Variants in TRPV3 observed in about 807,000 individuals in gnomAD.
TRPV3 encodes the protein transient receptor potential cation channel subfamily V member 3.
A neutral mutation model predicts 87.1 loss-of-function variants in TRPV3; 88 were observed. The ratio of observed to expected loss-of-function variants is 1.01; its 90% CI spans 0.85 to 1.21. The LOEUF (loss-of-function observed/expected upper bound fraction) is 1.21, where lower values mean the gene tolerates loss of function less well. Among genes scored for constraint, TRPV3 ranks in the 50% most tolerant of loss-of-function variants. The probability of loss-of-function intolerance (pLI) is 0.00; values close to 1 mark genes in which losing one functional copy is unlikely to be tolerated. For missense variants in TRPV3, 1,054 were observed against 1,030.1 expected (o/e 1.02, Z -0.32); for synonymous variants, 438 against 423.3 (o/e 1.03, Z -0.43).
At chr17:3,537,075 C>T (rs2074414894) in intron 6 of TRPV3, among the ~76,000 whole-genome samples, 1 of 152,166 alleles carries the variant, frequency 6.6e-6, no homozygotes, top group East Asian at 1.9e-4. Context: ...AAAAGGCTGA[C>T]ATATTTGCTT....
chr17:3,531,078 ACAAAC>A (rs1228219324), intron 8 of TRPV3, among the ~76,000 whole-genome samples: 1 of 142,568 alleles, frequency 7.0e-6, no homozygotes, highest in Non-Finnish European at 1.5e-5. Context: ...AACAAAACAA[ACAAAC>A]AAAAAAACCA....
chr17:3,515,341 G>C (rs1444030154), intron 16 of TRPV3, among the ~76,000 whole-genome samples: 1 of 152,096 alleles, frequency 6.6e-6, no homozygotes, highest in East Asian at 1.9e-4. Context: ...TTGGGTCAGG[G>C]TAGGAGGAGG....
chr17:3,537,892 T>TA lies in TRPV3; in HGVS notation c.644-2180dup, dbSNP rs1161250971. Among the ~76,000 whole-genome samples the TA allele has an allele frequency of 5.8e-3, 591 of 101,470 alleles. 4 individuals carry two copies. The highest frequency in any genetic ancestry group is 0.033 in the African/African-American group (567 of 17,444). 66.6% of individuals were successfully genotyped at this position (101,470 alleles called of 152,430 possible). A position where few individuals can be genotyped will look rare whatever the true frequency, so the allele number is the denominator to read the frequency against. On this transcript the variant is annotated intron_variant, in intron 6 of 17. Coordinates refer to ENST00000576742, the MANE Select transcript of TRPV3 (RefSeq NM_145068.4). ...GCTAGAGAGCAAGACTCTGTCTTTT[T>TA]AAAAAAAAAAAAAAAAAAAAGGCAT...
Position 3,518,501 on chromosome 17 carries a change from T to TCA in TRPV3, c.2085+74_2085+75insTG. ...GGCCCCACCTCAGACCCACTGGTGC[T>TCA]GACAGTAGTCAATGACCACGTGCTG... On this transcript the variant is annotated intron_variant, in intron 15 of 17. Coordinates refer to ENST00000576742, the MANE Select transcript of TRPV3 (RefSeq NM_145068.4). The surrounding 1 kb of genome is among the most constrained non-coding windows in gnomAD (Gnocchi z 4.3). 6.8e-7 allele frequency: 1 copy of TCA among 1,474,642 alleles called. No homozygotes were observed. Among genetic ancestry groups the TCA allele is most frequent in the Non-Finnish European group, 9.0e-7 (1 of 1,105,172 alleles). The allele number at this position is 1,474,642 out of a possible 1,614,324, so 91.3% of individuals were successfully genotyped here.
chr17:3,543,491 T>C lies in TRPV3; in HGVS notation c.449A>G (p.His150Arg), dbSNP rs2150801480. ...VELQELCRRR[H>R]DEDVPDFLMH... ...ACACTCACCAGGCACATCCTCATCATGGCGCCGCCTGCAAAGCTCCTGCAG... is the reference window on the plus strand; with the variant it reads ...ACACTCACCAGGCACATCCTCATCACGGCGCCGCCTGCAAAGCTCCTGCAG... The change falls in exon 5 of 18, where the codon CAT (histidine) becomes CGT (arginine). Residue 150 changes from histidine to arginine, a missense_variant. Coordinates refer to ENST00000576742, the MANE Select transcript of TRPV3 (RefSeq NM_145068.4). 2 of 1,613,538 alleles carry C rather than the reference T, an allele frequency of 1.2e-6. No individual in the cohort carries two copies. The highest frequency in any genetic ancestry group is 1.7e-6 in the Non-Finnish European group (2 of 1,179,998).
In TRPV3 at chr17:3,554,820, G is replaced by C; in HGVS notation, c.31C>G (p.Leu11Val). The C allele has an allele frequency of 5.0e-6, 8 of 1,612,742 alleles. No individual in the cohort carries two copies. The highest frequency in any genetic ancestry group is 6.8e-6 in the Non-Finnish European group (8 of 1,179,586). Residue 11 changes from leucine to valine, a missense_variant, in exon 2 of 18, where the codon CTC becomes GTC. Transcript: ENST00000576742. ...GGGGCAGCAACTCTCTTGCCCATGA[G>C]AGGCACCATCTCCTTGGGGTGGGCT... is the stretch of plus-strand genomic sequence containing the variant. The part of the protein sequence containing the change: MKAHPKEMVP[L>V]MGKRVAAPSG...
chr17:3,514,795 G>T, intron 16 of TRPV3, 123 bp from the exon 17 acceptor site: 1 of 741,600 alleles, frequency 1.3e-6, no homozygotes. Context: ...TAGAGATCAG[G>T]AGCACCCCTG....
chr17:3,532,185 G>A (rs1008437409), intron 8 of TRPV3, among the ~76,000 whole-genome samples: 5 of 152,232 alleles, frequency 3.3e-5, no homozygotes, highest in African/African-American at 9.6e-5. Flanking sequence ...GGCCCAAAGC[G>A]GCCACACTCT....
chr17:3,533,353 G>A lies in TRPV3; in HGVS notation c.785-416C>T, dbSNP rs188723489. 2.6e-3 allele frequency among the ~76,000 whole-genome samples: 395 copies of A among 152,286 alleles called. 2 individuals are homozygous for A. Among genetic ancestry groups the A allele is most frequent in the African/African-American group, 8.9e-3 (368 of 41,548 alleles). On this transcript the variant is annotated intron_variant, in intron 7 of 17. Coordinates refer to ENST00000576742, the MANE Select transcript of TRPV3 (RefSeq NM_145068.4). ...CGCTCGGCTGTCCCCTCTGCCTGTA[G>A]ATAGCCCAGTCACTTTCTCCCTCAC...
At chr17:3,533,006 C>G (rs1313227275) in intron 7 of TRPV3, 69 bp from the exon 8 acceptor site, 25 of 1,569,704 alleles carry the variant, frequency 1.6e-5, no homozygotes, top group Non-Finnish European at 2.1e-5. Context: ...AGCCCCAGGA[C>G]TGGGGCCCAT....
At chr17:3,526,582 G>A (rs993150302) in intron 12 of TRPV3, among the ~76,000 whole-genome samples, 1 of 152,004 alleles carries the variant, frequency 6.6e-6, no homozygotes, top group African/African-American at 2.4e-5. Context: ...GGGTAGAGTT[G>A]GCCATCACCA....
chr17:3,546,601 C>G (rs2074528201), intron 2 of TRPV3: 1 of 454,738 alleles, frequency 2.2e-6, no homozygotes, highest in South Asian at 1.6e-5. Flanking sequence ...AGGAAGGCCC[C>G]CCTTGGAGAC....
intron 14 of TRPV3, among the ~76,000 whole-genome samples, chr17:3,519,664 T>C (rs11078453): frequency 0.41 from 41,783 of 101,556 alleles, 9,766 homozygotes; most frequent in Non-Finnish European, 0.5. Flanking sequence ...ATGGATGGAC[T>C]GATTGATCGA....
chr17:3,519,409 G>A lies in TRPV3; in HGVS notation c.1811-559C>T, dbSNP rs55939350. Among the ~76,000 whole-genome samples the A allele has an allele frequency of 2.5e-3, 348 of 140,260 alleles. 6 individuals are homozygous for A. Among genetic ancestry groups the A allele is most frequent in the African/African-American group, 9.6e-3 (328 of 34,000 alleles). The allele number at this position is 140,260 out of a possible 152,430, so 92.0% of individuals were successfully genotyped here. On this transcript the variant is annotated intron_variant, in intron 14 of 17. Transcript: ENST00000576742. ...GATTAGATGGAGGGATGGATGGATGGATGGATGGATGATTGGATGGATGGA... is the reference window on the plus strand; with the variant it reads ...GATTAGATGGAGGGATGGATGGATGAATGGATGGATGATTGGATGGATGGA...
At chr17:3,535,276 C>T (rs921408048) in intron 7 of TRPV3, among the ~76,000 whole-genome samples, 2 of 126,160 alleles carry the variant, frequency 1.6e-5, no homozygotes, top group Non-Finnish European at 3.5e-5. Context: ...TCCCTCCTCC[C>T]TCCTCCCTTC....
At chr17:3,526,799 T>C (rs2074303992) in intron 12 of TRPV3, 55 bp downstream of exon 12, 1 of 1,423,858 alleles carries the variant, frequency 7.0e-7, no homozygotes, top group Non-Finnish European at 9.8e-7. Context: ...GCAGCCACCA[T>C]ACAGGACGTC....
At chr17:3,525,141 TC>T (rs1163293766) in intron 12 of TRPV3, among the ~76,000 whole-genome samples, 2 of 151,852 alleles carry the variant, frequency 1.3e-5, no homozygotes, top group Non-Finnish European at 2.9e-5. Context: ...TGCCTCAGCC[TC>T]CCTAGTAGCT....
intron 2 of TRPV3, among the ~76,000 whole-genome samples, chr17:3,545,999 AAAAAAAAAG>A (rs1170674709): frequency 6.6e-6 from 1 of 151,380 alleles, no homozygotes; most frequent in Non-Finnish European, 1.5e-5. Context: ...CAAAAAAAAA[AAAAAAAAAG>A]AAAGAAAACA....
intron 2 of TRPV3, among the ~76,000 whole-genome samples, chr17:3,550,223 A>C (rs1218683744): frequency 6.6e-6 from 1 of 152,044 alleles, no homozygotes; most frequent in African/African-American, 2.4e-5. Context: ...TACCTCTCCT[A>C]AGCCTCATCC....
Sources: allele counts gnomAD v4.1 joint callset (sites outside exome capture counted in the v4.1 genomes callset), GRCh38; gene constraint gnomAD v4.1.1; non-coding constraint Gnocchi (gnomAD v3.1); transcripts MANE v1.5; gene names NCBI Gene and HGNC (gene_info 2026-07-23, HGNC 2026-07-21).